The following ENO4 variants were observed in gnomAD, a reference collection of about 807,000 sequenced individuals.
ENO4 encodes 2-phospho-D-glycerate hydro-lyase.
ENO4 carries 53 observed loss-of-function variants against 63.2 expected under a neutral mutation model. The ratio of observed to expected loss-of-function variants is 0.84; its 90% CI spans 0.67 to 1.05. The LOEUF is 1.05. ENO4 is among the 50% of genes least tolerant of loss of function. The pLI is 0.00. For missense variants in ENO4, 719 were observed against 772.0 expected (o/e 0.93, Z 0.81); for synonymous variants, 266 against 283.8 (o/e 0.94, Z 0.63).
At position 116,859,146 on chromosome 10, in the gene ENO4, G is replaced by A. The variant is rs1846345758; in HGVS notation, c.634+8G>A. The A allele has an allele frequency of 6.6e-6, 10 of 1,516,944 alleles. No homozygotes were observed. Among genetic ancestry groups the A allele is most frequent in the Non-Finnish European group, 8.8e-6 (10 of 1,137,066 alleles). The allele number at this position is 1,516,944 out of a possible 1,614,324, so 94.0% of individuals were successfully genotyped here. A position where few individuals can be genotyped will look rare whatever the true frequency, so the allele number is the denominator to read the frequency against. ...AAAAGGGGCAAAAGCCAGGTTGGTT[G>A]GTGACTTATCTTGCAGAGTCGTTAG... On this transcript the variant is annotated splice_region_variant and intron_variant, in intron 4 of 13. Transcript: ENST00000341276.
intron 9 of ENO4, 93 bp downstream of exon 9, chr10:116,871,385 C>A: frequency 1.8e-6 from 2 of 1,117,334 alleles, no homozygotes; most frequent in Non-Finnish European, 2.4e-6. Flanking sequence ...GAATATTGTC[C>A]AAACAGATCT....
chr10:116,852,720 A>G (rs574770645), intron 1 of ENO4, among the ~76,000 whole-genome samples: 2 of 152,204 alleles, frequency 1.3e-5, no homozygotes, highest in East Asian at 3.9e-4. Flanking sequence ...TTGTGTAGAG[A>G]AAGACCTTGG....
intron 3 of ENO4, among the ~76,000 whole-genome samples, chr10:116,858,087 C>T (rs1846316608): frequency 6.6e-6 from 1 of 151,704 alleles, no homozygotes; most frequent in Non-Finnish European, 1.5e-5. Flanking sequence ...TTTTATTACA[C>T]TCCTTTTTTT....
At chr10:116,905,150 C>T (rs1847916237) in intron 10 of ENO4, among the ~76,000 whole-genome samples, 2 of 146,520 alleles carry the variant, frequency 1.4e-5, no homozygotes, top group Non-Finnish European at 3.0e-5. Context: ...TGCAGTGAGC[C>T]GAGATTGCGC....
intron 3 of ENO4, among the ~76,000 whole-genome samples, chr10:116,857,673 C>G (rs577256127): frequency 2.0e-5 from 3 of 147,310 alleles, no homozygotes; most frequent in Non-Finnish European, 4.5e-5. Context: ...GAGTCTTCCT[C>G]TGTCACCCAG....
At chr10:116,894,522 C>T (rs1847445368) in intron 10 of ENO4, among the ~76,000 whole-genome samples, 2 of 152,246 alleles carry the variant, frequency 1.3e-5, no homozygotes, top group Non-Finnish European at 2.9e-5. Flanking sequence ...AAAATGTTAA[C>T]TTGAAGAATC....
At chr10:116,885,713 G>A (rs1303333826), downstream of ENO4, 1 of 152,222 alleles carries the variant, frequency 6.6e-6, no homozygotes, top group Non-Finnish European at 1.5e-5. Context: ...AGGTCCTCGG[G>A]AGGCTTTGGA....
intron 10 of ENO4, chr10:116,900,396 A>G: frequency 2.8e-6 from 2 of 715,896 alleles, no homozygotes; most frequent in Non-Finnish European, 2.3e-6. Flanking sequence ...GATCCTTTTC[A>G]CTGTCAATTC....
At chr10:116,873,295 C>A (rs1209682717) in intron 9 of ENO4, among the ~76,000 whole-genome samples, 1 of 152,140 alleles carries the variant, frequency 6.6e-6, no homozygotes, top group East Asian at 1.9e-4. Context: ...TTAGCAGCAG[C>A]AGGAAGGCAT....
intron 3 of ENO4, among the ~76,000 whole-genome samples, chr10:116,857,398 T>C (rs1846294224): frequency 1.3e-5 from 2 of 152,310 alleles, no homozygotes; most frequent in Non-Finnish European, 2.9e-5. Context: ...TCTCCCATGC[T>C]TTGCCCATAG....
At position 116,856,585 on chromosome 10, in the gene ENO4, G is replaced by A. The variant is rs898007360; in HGVS notation, c.388G>A (p.Ala130Thr). The A allele has an allele frequency of 3.3e-6, 5 of 1,536,070 alleles. No homozygotes were observed. The highest frequency in any genetic ancestry group is 2.4e-5 in the East Asian group (1 of 40,924). The change falls in exon 3 of 14, where the codon GCG becomes ACG. Residue 130 changes from alanine to threonine, a missense_variant. Physicochemically the swap from Ala to Thr is moderately conservative, Grantham distance 58. Around this residue, in one of 3 missense-constraint regions of ENO4, gnomAD observed 544 missense variants for 583.6 expected, o/e 0.93. Coordinates refer to ENST00000341276, the MANE Select transcript of ENO4 (RefSeq NM_001242699.2). ...GGCGGAGGAGGCAGAGAGGGCCAGC[G>A]CGGTGAGCACCGCCGTGCAGTGGGT... ...AKAEEAERASAVSTAVQWVNS... is the reference protein window; with the variant it reads ...AKAEEAERASTVSTAVQWVNS...
intron 7 of ENO4, among the ~76,000 whole-genome samples, chr10:116,866,924 T>C (rs946574381): frequency 2.1e-4 from 32 of 152,296 alleles, no homozygotes; most frequent in Admixed American, 1.9e-3. Flanking sequence ...TTCCCAGTGA[T>C]TACAGTGATA....
chr10:116,858,622 C>T (rs1185299941), intron 3 of ENO4, among the ~76,000 whole-genome samples: 1 of 152,122 alleles, frequency 6.6e-6, no homozygotes, highest in Non-Finnish European at 1.5e-5. Context: ...CTATATTTCA[C>T]TCTATTCTTG....
intron 10 of ENO4, among the ~76,000 whole-genome samples, chr10:116,890,748 G>A (rs1847318390): frequency 6.6e-6 from 1 of 152,210 alleles, no homozygotes; most frequent in Non-Finnish European, 1.5e-5. Context: ...CTGAGCAGGT[G>A]GGGCAACTTA....
intron 7 of ENO4, among the ~76,000 whole-genome samples, chr10:116,865,681 T>C (rs1681727): frequency 1 from 152,023 of 152,320 alleles, 75,864 homozygotes; most frequent in Non-Finnish European, 1. Context: ...TCTGTAGTGG[T>C]CTTGGCTTGG....
At chr10:116,867,788 G>T (rs548637036) in intron 7 of ENO4, among the ~76,000 whole-genome samples, 1 of 152,194 alleles carries the variant, frequency 6.6e-6, no homozygotes, top group African/African-American at 2.4e-5. Context: ...TCTCAATGAG[G>T]GAGCATAAAA....
intron 13 of ENO4, among the ~76,000 whole-genome samples, chr10:116,880,838 C>G (rs536585545): frequency 1.3e-5 from 2 of 152,298 alleles, no homozygotes; most frequent in East Asian, 3.9e-4. Context: ...GCCTTAGCTT[C>G]CCTGAATCCC....
downstream of ENO4, chr10:116,886,364 T>C: frequency 1.3e-6 from 2 of 1,554,808 alleles, no homozygotes; most frequent in Non-Finnish European, 1.7e-6. Flanking sequence ...GAGCTGTCTG[T>C]CTCTCTCACG....
rs1017137821 is a variant in ENO4, at chr10:116,901,617, A to G, written c.1195-9882A>G. On this transcript the variant is annotated intron_variant, in intron 10 of 10. Transcript: ENST00000369207. ...ATCTCTTAGCTAGGAGCCTAGAATG[A>G]AAAAGCTGGCCCATCAAATGAAAAG... is the stretch of plus-strand genomic sequence containing the variant. 1.4e-5 allele frequency: 19 copies of G among 1,360,072 alleles called. No individual in the cohort carries two copies. The East Asian group carries it at 5.7e-4, about 41-fold the overall frequency. The allele number at this position is 1,360,072 out of a possible 1,614,324, so 84.3% of individuals were successfully genotyped here.
Sources: gnomAD v4.1 joint callset for allele counts (sites outside exome capture counted in the v4.1 genomes callset) on GRCh38, gnomAD v4.1.1 for gene constraint, gnomAD v4.1.1 regional missense constraint, MANE v1.5 for transcripts, NCBI Gene and HGNC (gene_info 2026-07-23, HGNC 2026-07-21) for gene names.